EPHA8: variants seen among roughly 807,000 people sequenced by gnomAD.
EPHA8 encodes EPH receptor A8.
Under a neutral mutation model 103.6 loss-of-function variants are expected in EPHA8, and 58 were observed. The ratio of observed to expected loss-of-function variants is 0.56; its 90% CI spans 0.45 to 0.70. EPHA8 has a LOEUF of 0.70. EPHA8 is among the 30% of genes least tolerant of loss of function. The pLI, the probability that EPHA8 is intolerant of heterozygous loss-of-function variation, is 0.00. For synonymous variants in EPHA8, 559 were observed against 572.5 expected (o/e 0.98, Z 0.34); for missense variants, 1,304 against 1,395.2 (o/e 0.93, Z 1.04).
At chr1:22,578,901 ATGTG>A (rs753229940) in intron 3 of EPHA8, among the ~76,000 whole-genome samples, 6,865 of 147,086 alleles carry the variant, frequency 0.047, 174 homozygotes, top group East Asian at 0.098. Context: ...GCATGTGTGC[ATGTG>A]TATGTATGCA....
chr1:22,593,587 C>T lies in EPHA8; in HGVS notation c.1504C>T (p.Leu502Phe). ...CACCACCAGAGCCACCGTCTCCGGC[C>T]TCAAGCCGGGCACCCGCTACGTGTT... ...AVTTRATVSGLKPGTRYVFQV... is the reference protein window; with the variant it reads ...AVTTRATVSGFKPGTRYVFQV... The change falls in exon 7 of 17, where the codon CTC becomes TTC. Residue 502 changes from leucine (L) to phenylalanine (F), a missense_variant. Leu to Phe is a conservative substitution (Grantham distance 22, BLOSUM62 0). Coordinates refer to ENST00000166244, the MANE Select transcript of EPHA8 (RefSeq NM_020526.5). The T allele has an allele frequency of 6.2e-7, 1 of 1,612,060 alleles. No homozygotes were observed. The highest frequency in any genetic ancestry group is 1.1e-5 in the South Asian group (1 of 90,898).
At position 22,588,961 on chromosome 1, in the gene EPHA8, G is replaced by A. The variant is rs373378884; in HGVS notation, c.1070G>A (p.Arg357His). 5.6e-6 allele frequency: 9 copies of A among 1,613,060 alleles called. No homozygotes were observed. Among genetic ancestry groups the A allele is most frequent in the African/African-American group, 2.7e-5 (2 of 74,940 alleles). The change falls in exon 5 of 17, where the codon CGC becomes CAC. Residue 357 changes from arginine to histidine, a missense_variant. Coordinates refer to ENST00000166244, the MANE Select transcript of EPHA8 (RefSeq NM_020526.5). ...EWAPPLDPGG[R>H]SDITYNAVCR... ...GCCCCTCCCCTGGACCCAGGTGGCC[G>A]CAGTGACATCACCTACAATGCCGTG...
At chr1:22,593,232 G>T in intron 5 of EPHA8, 94 bp from the exon 6 acceptor site, 1 of 1,491,392 alleles carries the variant, frequency 6.7e-7, no homozygotes. Flanking sequence ...GAGCAGGGCT[G>T]GAACCAGGAT....
intron 3 of EPHA8, among the ~76,000 whole-genome samples, chr1:22,580,915 T>G (rs545069134): frequency 2.1e-4 from 32 of 152,328 alleles, no homozygotes; most frequent in African/African-American, 6.5e-4. Flanking sequence ...CCGCCAGAGC[T>G]GCGCCAAACC....
Position 22,597,608 on chromosome 1 carries a change from TG to T in EPHA8, c.1931-65del. The T allele has an allele frequency of 6.4e-7, 1 of 1,551,968 alleles. No individual in the cohort carries two copies. ...GGCAAGCCCAGGGGGTCCAAGGGCC[TG>T]GGAGGCTGGGGGAGTCTGAGGGTCC... On this transcript the variant is annotated intron_variant, in intron 10 of 16. Coordinates refer to ENST00000166244, the MANE Select transcript of EPHA8 (RefSeq NM_020526.5). The surrounding 1 kb of genome is among the most constrained non-coding windows in gnomAD (Gnocchi z 4.6).
rs200419319 is a variant in EPHA8 at position 22,597,250 on chromosome 1, G to A, written c.1766-62G>A. ...CACCCCAGACCCATCCCAGGCCCAG[G>A]GAATGTCAGGAAAAAGCAATCTCTC... On this transcript the variant is annotated intron_variant, in intron 9 of 16. Transcript: ENST00000166244. This position sits in a 1 kb window ranked among gnomAD's most constrained non-coding sequence, Gnocchi z 4.6. 1.5e-6 allele frequency: 2 copies of A among 1,347,746 alleles called. No individual in the cohort carries two copies. Among genetic ancestry groups the A allele is most frequent in the Non-Finnish European group, 2.0e-6 (2 of 984,744 alleles). The allele number at this position is 1,347,746 out of a possible 1,614,324, so 83.5% of individuals were successfully genotyped here. A position where few individuals can be genotyped will look rare whatever the true frequency, so the allele number is the denominator to read the frequency against.
chr1:22,597,232 G>C lies in EPHA8; in HGVS notation c.1766-80G>C. 1 of 1,233,182 alleles carries C rather than the reference G, an allele frequency of 8.1e-7. No homozygotes were observed. Among genetic ancestry groups the C allele is most frequent in the East Asian group, 2.4e-5 (1 of 41,452 alleles). The allele number at this position is 1,233,182 out of a possible 1,614,324, so 76.4% of individuals were successfully genotyped here. ...CAGAGACACCCCTCACCCCACCCCA[G>C]ACCCATCCCAGGCCCAGGGAATGTC... On this transcript the variant is annotated intron_variant, in intron 9 of 16. Transcript: ENST00000166244. The surrounding 1 kb of genome is among the most constrained non-coding windows in gnomAD (Gnocchi z 4.6).
Position 22,576,823 on chromosome 1 carries a change from C to A in EPHA8, c.766C>A (p.Pro256Thr), listed in dbSNP as rs1210758652. The part of the protein sequence containing the change: ...YCSAEGEWLV[P>T]IGKCVCSAGY... ...CAGCGCGGAGGGCGAGTGGCTCGTG[C>A]CCATCGGCAAATGCGTGTGCAGTGC... is the stretch of plus-strand genomic sequence containing the variant. The change falls in exon 3 of 17, where the codon CCC (proline) becomes ACC (threonine). Residue 256 changes from proline (P) to threonine (T), a missense_variant. Transcript: ENST00000166244. The surrounding 1 kb of genome is among the most constrained non-coding windows in gnomAD (Gnocchi z 4.8). 5 of 1,610,602 alleles carry A rather than the reference C, an allele frequency of 3.1e-6. No individual in the cohort carries two copies. In the Admixed American group the frequency reaches 5.0e-5, roughly 16 times the overall value.
chr1:22,588,778 G>A, intron 4 of EPHA8, 93 bp from the exon 5 acceptor site: 1 of 1,499,412 alleles, frequency 6.7e-7, no homozygotes, highest in Non-Finnish European at 8.8e-7. Context: ...ATGATGGGGA[G>A]CCCTTCCCTT....
intron 3 of EPHA8, among the ~76,000 whole-genome samples, chr1:22,582,039 C>T (rs72875439): frequency 0.021 from 3,264 of 152,252 alleles, 104 homozygotes; most frequent in African/African-American, 0.075. Flanking sequence ...TGGAGCTGCC[C>T]GGCTCCTTGG....
At position 22,593,467 on chromosome 1, in the gene EPHA8, G is replaced by T; in HGVS notation, c.1440+17G>T. On this transcript the variant is annotated intron_variant, in intron 6 of 16. Coordinates refer to ENST00000166244, the MANE Select transcript of EPHA8 (RefSeq NM_020526.5). ...TACGAGAAGGTACCACGGGCAGGAC[G>T]GAGTGGGAGGGGCTGGGCCAGCAGG... 1 of 1,609,934 alleles carries T rather than the reference G, an allele frequency of 6.2e-7. No individual in the cohort carries two copies. The highest frequency in any genetic ancestry group is 1.1e-5 in the South Asian group (1 of 90,820).
At position 22,601,736 on chromosome 1, in the gene EPHA8, C is replaced by G. The variant is rs200304246; in HGVS notation, c.3013C>G (p.Leu1005Val). The G allele has an allele frequency of 9.9e-4, 1,542 of 1,558,020 alleles. 5 individuals are homozygous for G. Among genetic ancestry groups the G allele is most frequent in the Non-Finnish European group, 1.2e-3 (1,413 of 1,151,154 alleles). Residue 1005 changes from leucine to valine, a missense_variant, in exon 17 of 17, where the codon CTC becomes GTC. Coordinates refer to ENST00000166244, the MANE Select transcript of EPHA8 (RefSeq NM_020526.5). ...LTSTQGPRRH[L>V] ...CAGCACCCAGGGGCCCCGCCGGCAC[C>G]TCTGATGTACAGCCAGCAGGGCCCA...
chr1:22,581,375 A>G (rs929916672), intron 3 of EPHA8, among the ~76,000 whole-genome samples: 1 of 152,270 alleles, frequency 6.6e-6, no homozygotes, highest in Non-Finnish European at 1.5e-5. Context: ...GGATTTAGCC[A>G]GCGAGTACAA....
Position 22,576,501 on chromosome 1 carries a change from T to G in EPHA8, c.444T>G (p.Ile148Met). The change falls in exon 3 of 17, where the codon ATT becomes ATG. Residue 148 changes from isoleucine (I) to methionine (M), a missense_variant. Transcript: ENST00000166244. The surrounding 1 kb of genome is among the most constrained non-coding windows in gnomAD (Gnocchi z 4.8). ...QESQFLKIDTIAADESFTGAD... is the reference protein window; with the variant it reads ...QESQFLKIDTMAADESFTGAD... ...GCCAGTTCCTCAAAATCGACACCAT[T>G]GCGGCCGACGAGAGCTTCACAGGTG... The G allele has an allele frequency of 6.2e-7, 1 of 1,614,046 alleles. No homozygotes were observed. The highest frequency in any genetic ancestry group is 1.1e-5 in the South Asian group (1 of 91,076).
chr1:22,591,471 T>C (rs1641370659), intron 5 of EPHA8, among the ~76,000 whole-genome samples: 1 of 151,228 alleles, frequency 6.6e-6, no homozygotes, highest in Admixed American at 6.6e-5. Flanking sequence ...TCCTCCTGCC[T>C]CAGCCTCCCA....
Sources: gnomAD v4.1 joint callset for allele counts (sites outside exome capture counted in the v4.1 genomes callset) on GRCh38, gnomAD v4.1.1 for gene constraint, Gnocchi (gnomAD v3.1) non-coding constraint, MANE v1.5 for transcripts, NCBI Gene and HGNC (gene_info 2026-07-23, HGNC 2026-07-21) for gene names.